PSCA: variants seen among roughly 807,000 people sequenced by gnomAD.
PSCA encodes the protein prostate stem cell antigen.
In PSCA, 7 loss-of-function variants were observed where a neutral mutation model predicts 7.9. The observed-to-expected ratio is 0.89, with a 90% confidence interval of 0.51 to 1.67. The LOEUF (loss-of-function observed/expected upper bound fraction) is 1.67, where lower values mean the gene tolerates loss of function less well. Among genes scored for constraint, PSCA ranks in the 40% most tolerant of loss-of-function variants. PSCA has a pLI of 0.00. For synonymous variants in PSCA, 61 were observed against 68.3 expected, an observed-to-expected ratio of 0.89 and a Z score of 0.53; for missense variants, 151 against 147.9, an observed-to-expected ratio of 1.02 and a Z score of -0.11.
intron 1 of PSCA, among the ~76,000 whole-genome samples, chr8:142,671,889 T>C (rs1847335749): frequency 1.3e-5 from 2 of 151,880 alleles, no homozygotes; most frequent in Middle Eastern, 3.4e-3. Flanking sequence ...CCTCTGGTTC[T>C]TCTCTTCCTC....
At chr8:142,675,131 T>A (rs1587543501) in intron 1 of PSCA, among the ~76,000 whole-genome samples, 1 of 152,050 alleles carries the variant, frequency 6.6e-6, no homozygotes, top group Admixed American at 6.5e-5. Context: ...TGGCTGGGGG[T>A]GCTGGTGAGG....
chr8:142,674,029 C>T (rs188106436), intron 1 of PSCA, among the ~76,000 whole-genome samples: 3 of 148,282 alleles, frequency 2.0e-5, no homozygotes, highest in African/African-American at 5.0e-5. Flanking sequence ...TAATGAATAA[C>T]GGCTGGGAAT....
In PSCA at chr8:142,682,328, G is replaced by C. The variant is rs782782119; in HGVS notation, c.*196G>C. 5.4e-6 allele frequency: 4 copies of C among 739,566 alleles called. No homozygotes were observed. The highest frequency in any genetic ancestry group is 1.7e-5 in the African/African-American group (1 of 57,918). 45.8% of individuals were successfully genotyped at this position (739,566 alleles called of 1,614,324 possible). On this transcript the variant is annotated 3_prime_UTR_variant, in exon 3 of 3. Coordinates refer to ENST00000301258, the MANE Select transcript of PSCA (RefSeq NM_005672.5). ...CCCTCTCCAGGACTCCCACCCGGCA[G>C]ATCGGCTCTATTGACACAGATCCGC...
chr8:142,679,005 G>T (rs1035070581), upstream of PSCA, among the ~76,000 whole-genome samples: 3 of 150,662 alleles, frequency 2.0e-5, no homozygotes, highest in Admixed American at 6.6e-5. Flanking sequence ...GAGGGCCATA[G>T]CCACTGCCAC....
At position 142,673,764 on chromosome 8, in the gene PSCA, G is replaced by A. The variant is rs1375023490; in HGVS notation, n.261+3196G>A. The stretch of plus-strand genomic sequence containing the variant: ...ACCGGCTGCGGGGTTGGTGGGCCTC[G>A]CTAGAGCCATCCATCAGTCATTAGA... On this transcript the variant is annotated intron_variant and non_coding_transcript_variant, in intron 1 of 1. Coordinates refer to the PSCA transcript ENST00000505305. The surrounding 1 kb of genome is among the most constrained non-coding windows in gnomAD (Gnocchi z 4.6). Among the ~76,000 whole-genome samples the A allele has an allele frequency of 2.0e-5, 3 of 152,178 alleles. No homozygotes were observed. The highest frequency in any genetic ancestry group is 2.4e-5 in the African/African-American group (1 of 41,436).
intron 2 of PSCA, 110 bp downstream of exon 2, chr8:142,681,544 C>G: frequency 4.1e-6 from 4 of 969,038 alleles, no homozygotes; most frequent in Non-Finnish European, 6.3e-6. Context: ...CTGTCCCCGA[C>G]CCGTCCCGCA....
chr8:142,682,062 A>T lies in PSCA; in HGVS notation c.275A>T (p.Gln92Leu), dbSNP rs782238843. 1.2e-5 allele frequency: 20 copies of T among 1,610,634 alleles called. No homozygotes were observed. In the Admixed American group the frequency reaches 2.3e-4, roughly 19 times the overall value. The change falls in exon 3 of 3, where the codon CAG becomes CTG. Residue 92 changes from glutamine (Q) to leucine (L), a missense_variant. Gln to Leu is a moderately radical substitution (Grantham distance 113). Coordinates refer to ENST00000301258, the MANE Select transcript of PSCA (RefSeq NM_005672.5). ...AACGCCAGCGGGGCCCATGCCCTGC[A>T]GCCGGCTGCTGCCATCCTTGCGCTG... is the stretch of plus-strand genomic sequence containing the variant. The part of the protein sequence containing the change: ...LCNASGAHAL[Q>L]PAAAILALLP...
At chr8:142,681,867 T>G (rs1814648767) in intron 2 of PSCA, 54 bp from the exon 3 acceptor site, 3 of 1,324,730 alleles carry the variant, frequency 2.3e-6, no homozygotes, top group Non-Finnish European at 2.1e-6. Flanking sequence ...CTGGGGCAGG[T>G]CAGGCAGGTG....
chr8:142,679,193 AG>A (rs1237256592), upstream of PSCA, among the ~76,000 whole-genome samples: 1 of 152,220 alleles, frequency 6.6e-6, no homozygotes, highest in Non-Finnish European at 1.5e-5. Context: ...TGGGGCAAAC[AG>A]AGGCCATACA....
intron 2 of PSCA, 170 bp from the exon 3 acceptor site, chr8:142,681,751 G>T (rs1273236324): frequency 1.6e-6 from 1 of 623,486 alleles, no homozygotes; most frequent in African/African-American, 1.8e-5. Context: ...CGGACATCTG[G>T]ATAGGGCTGA....
intron 1 of PSCA, among the ~76,000 whole-genome samples, chr8:142,672,807 T>C (rs1193689439): frequency 1.3e-5 from 2 of 152,188 alleles, no homozygotes; most frequent in African/African-American, 4.8e-5. Flanking sequence ...GCAGATTTTA[T>C]AGGCAGGCTT....
At chr8:142,681,785 C>T (rs587636907) in intron 2 of PSCA, 136 bp from the exon 3 acceptor site, 17 of 677,654 alleles carry the variant, frequency 2.5e-5, no homozygotes, top group South Asian at 3.8e-5. Context: ...ACCAGGCCCT[C>T]GCACTGCTTG....
At chr8:142,676,437 C>T (rs1554637833), upstream of PSCA, 1 of 152,344 alleles carries the variant, frequency 6.6e-6, no homozygotes, top group East Asian at 1.9e-4. Context: ...AGGCTGGTTC[C>T]ATCCCTGGTG....
chr8:142,680,383 T>C, upstream of PSCA: 1 of 802,438 alleles, frequency 1.2e-6, no homozygotes, highest in Non-Finnish European at 2.0e-6. Context: ...GACTCGGACC[T>C]GCCCAGCCCC....
intron 1 of PSCA, 153 bp downstream of exon 1, chr8:142,680,716 G>A (rs749761771): frequency 9.3e-7 from 1 of 1,079,050 alleles, no homozygotes; most frequent in Non-Finnish European, 1.3e-6. Flanking sequence ...CTCCTCCAGG[G>A]AAGCTCTTGG....
chr8:142,678,864 C>A (rs587708556), upstream of PSCA, among the ~76,000 whole-genome samples: 1 of 151,868 alleles, frequency 6.6e-6, no homozygotes, highest in Non-Finnish European at 1.5e-5. Flanking sequence ...TAGGCCTGTA[C>A]TAGAGGACCA....
rs1388256705 is a variant in PSCA at position 142,673,457 on chromosome 8, C to G, written n.261+2889C>G. Among the ~76,000 whole-genome samples the G allele has an allele frequency of 1.3e-5, 2 of 152,250 alleles. No homozygotes were observed. Among genetic ancestry groups the G allele is most frequent in the Non-Finnish European group, 2.9e-5 (2 of 68,052 alleles). Reference sequence around the variant, plus strand: ...GTCAGAAAGAGAGGAAGAAAATACACTAGCGTGTAATCACCCAGTGGGTTC... The same window carrying G: ...GTCAGAAAGAGAGGAAGAAAATACAGTAGCGTGTAATCACCCAGTGGGTTC... On this transcript the variant is annotated intron_variant and non_coding_transcript_variant, in intron 1 of 1. Coordinates refer to the PSCA transcript ENST00000505305. The surrounding 1 kb of genome is among the most constrained non-coding windows in gnomAD (Gnocchi z 4.6).
At position 142,681,364 on chromosome 8, in the gene PSCA, G is replaced by A; in HGVS notation, c.63G>A (p.Val21=). The A allele has an allele frequency of 6.3e-7, 1 of 1,583,632 alleles. No homozygotes were observed. The highest frequency in any genetic ancestry group is 2.3e-5 in the East Asian group (1 of 43,198). The change falls in exon 2 of 3, where the codon GTG becomes GTA. Residue 21 remains valine, a synonymous_variant. Transcript: ENST00000301258. ...TGTGCTACTCCTGCAAAGCCCAGGT[G>A]AGCAACGAGGACTGCCTGCAGGTGG... The part of the protein sequence containing the change: ...ALLCYSCKAQ[V]SNEDCLQVEN...
rs955144472 is a variant in PSCA, at chr8:142,682,223, C to A, written c.*91C>A. 3 of 1,430,510 alleles carry A rather than the reference C, an allele frequency of 2.1e-6. No individual in the cohort carries two copies. The highest frequency in any genetic ancestry group is 2.8e-5 in the African/African-American group (2 of 71,030). The allele number at this position is 1,430,510 out of a possible 1,614,324, so 88.6% of individuals were successfully genotyped here. A position where few individuals can be genotyped will look rare whatever the true frequency, so the allele number is the denominator to read the frequency against. On this transcript the variant is annotated 3_prime_UTR_variant, in exon 3 of 3. Coordinates refer to ENST00000301258, the MANE Select transcript of PSCA (RefSeq NM_005672.5). Reference sequence around the variant, plus strand: ...CACACCCGGCCCAGTGGGAGCCTGTCCTGGTTCCTGAGGCACATCCTAACG... The same window carrying A: ...CACACCCGGCCCAGTGGGAGCCTGTACTGGTTCCTGAGGCACATCCTAACG...
Sources: gnomAD v4.1 joint callset for allele counts (sites outside exome capture counted in the v4.1 genomes callset) on GRCh38, gnomAD v4.1.1 for gene constraint, Gnocchi (gnomAD v3.1) non-coding constraint, MANE v1.5 for transcripts, NCBI Gene and HGNC (gene_info 2026-07-23, HGNC 2026-07-21) for gene names.